Variants in ATE1 observed in about 807,000 individuals in gnomAD.
ATE1 encodes arginyltransferase 1.
In ATE1, 36 loss-of-function variants were observed where a neutral mutation model predicts 70.5. The observed-to-expected ratio is 0.51, with a 90% confidence interval of 0.39 to 0.67. The LOEUF is 0.67. Ranked by LOEUF, ATE1 falls within the 30% of genes least tolerant of loss-of-function variation. The pLI is 0.00. For missense variants in ATE1, 593 were observed against 629.5 expected (o/e 0.94, Z 0.62); for synonymous variants, 232 against 219.3 (o/e 1.06, Z -0.51).
chr10:121,922,170 T>C (rs960530451), intron 3 of ATE1, among the ~76,000 whole-genome samples, 179 bp downstream of exon 3: 2 of 152,148 alleles, frequency 1.3e-5, no homozygotes, highest in Non-Finnish European at 2.9e-5. Context: ...TACTAAAACC[T>C]ACTGATCAGC....
intron 5 of ATE1, among the ~76,000 whole-genome samples, chr10:121,909,639 T>A (rs1365358675): frequency 2.0e-5 from 3 of 152,206 alleles, no homozygotes; most frequent in African/African-American, 7.2e-5. Flanking sequence ...TATGTTTGAA[T>A]AACGATTTTT....
chr10:121,856,838 C>A (rs896768962), intron 8 of ATE1, among the ~76,000 whole-genome samples: 2 of 152,094 alleles, frequency 1.3e-5, no homozygotes, highest in African/African-American at 2.4e-5. Flanking sequence ...TGCAACGAAG[C>A]GTAACAAAAT....
chr10:121,815,235 A>C (rs563720365), intron 10 of ATE1, among the ~76,000 whole-genome samples: 5 of 152,296 alleles, frequency 3.3e-5, no homozygotes, highest in East Asian at 3.9e-4. Flanking sequence ...TCCCGGGTTC[A>C]CGCCATTCTC....
chr10:121,781,067 T>C (rs539419507), intron 11 of ATE1, among the ~76,000 whole-genome samples: 85 of 152,360 alleles, frequency 5.6e-4, no homozygotes, highest in African/African-American at 2.0e-3. Context: ...TTTTGTTTGT[T>C]TGTTTTTAGA....
At chr10:121,880,681 T>C (rs996149033) in intron 7 of ATE1, among the ~76,000 whole-genome samples, 5 of 151,978 alleles carry the variant, frequency 3.3e-5, no homozygotes, top group African/African-American at 4.8e-5. Flanking sequence ...ATATGTAATA[T>C]ATGTTTTACT....
chr10:121,768,309 C>T (rs1362409191), intron 11 of ATE1, among the ~76,000 whole-genome samples: 1 of 151,964 alleles, frequency 6.6e-6, no homozygotes, highest in Non-Finnish European at 1.5e-5. Flanking sequence ...TTCCAATACA[C>T]TAACAATAAA....
intron 8 of ATE1, among the ~76,000 whole-genome samples, chr10:121,853,435 C>T (rs1008828423): frequency 6.7e-6 from 1 of 149,208 alleles, no homozygotes; most frequent in Non-Finnish European, 1.5e-5. Flanking sequence ...GCTCCATAAT[C>T]AGAAACTTTT....
At chr10:121,857,406 A>C (rs1949286966) in intron 8 of ATE1, among the ~76,000 whole-genome samples, 1 of 152,238 alleles carries the variant, frequency 6.6e-6, no homozygotes. Flanking sequence ...AATGGTCTCC[A>C]GCTGCATCCA....
intron 7 of ATE1, among the ~76,000 whole-genome samples, chr10:121,876,901 G>A (rs1950070792): frequency 6.6e-6 from 1 of 151,210 alleles, no homozygotes; most frequent in Non-Finnish European, 1.5e-5. Context: ...GGGAGGCGGA[G>A]CTTGCAGTGA....
chr10:121,875,297 G>T (rs1052205621), intron 7 of ATE1, among the ~76,000 whole-genome samples: 38 of 106,868 alleles, frequency 3.6e-4, no homozygotes, highest in South Asian at 1.0e-3. Context: ...GTTTTTTTTT[G>T]GTTTTTTTTT....
chr10:121,779,375 C>T (rs1399702093), intron 11 of ATE1, among the ~76,000 whole-genome samples: 1 of 152,192 alleles, frequency 6.6e-6, no homozygotes. Context: ...CTACTTAACA[C>T]ACCTGCTCAA....
rs768468088 is a variant in ATE1 at position 121,790,204 on chromosome 10, G to C, written c.1343C>G (p.Ser448Cys). 1 of 1,614,066 alleles carries C rather than the reference G, an allele frequency of 6.2e-7. No homozygotes were observed. Among genetic ancestry groups the C allele is most frequent in the Non-Finnish European group, 8.5e-7 (1 of 1,179,954 alleles). The change falls in exon 11 of 12, where the codon TCC becomes TGC. Residue 448 changes from serine (S) to cysteine (C), a missense_variant. Around this residue, in one of 3 missense-constraint regions of ATE1, gnomAD observed 90 missense variants for 93.7 expected, o/e 0.96. Coordinates refer to ENST00000224652, the MANE Select transcript of ATE1 (RefSeq NM_001001976.3). ...IEQCLPSLEN[S>C]KYCRFNQDPE... is the part of the protein sequence containing the mutation. ...GTCCTGGTTGAAACGGCAGTACTTGGAGTTTTCAAGTGAAGGCAGGCATTG... is the reference window on the plus strand; with the variant it reads ...GTCCTGGTTGAAACGGCAGTACTTGCAGTTTTCAAGTGAAGGCAGGCATTG...
At chr10:121,826,487 T>C (rs149971904) in intron 10 of ATE1, among the ~76,000 whole-genome samples, 25 of 152,300 alleles carry the variant, frequency 1.6e-4, no homozygotes, top group Non-Finnish European at 1.5e-5. Flanking sequence ...TTTGCATTTT[T>C]AGTAGAGACA....
intron 8 of ATE1, among the ~76,000 whole-genome samples, chr10:121,845,603 G>A (rs374511380): frequency 8.5e-5 from 13 of 152,260 alleles, no homozygotes; most frequent in South Asian, 4.2e-4. Flanking sequence ...CCTAAGCACC[G>A]TATCCTACTT....
At chr10:121,758,386 T>C (rs1944895002) in intron 11 of ATE1, among the ~76,000 whole-genome samples, 1 of 152,220 alleles carries the variant, frequency 6.6e-6, no homozygotes, top group South Asian at 2.1e-4. Flanking sequence ...GAATTTGGCA[T>C]TGGGTTGATC....
chr10:121,759,984 T>C (rs183144798), intron 11 of ATE1, among the ~76,000 whole-genome samples: 18 of 144,914 alleles, frequency 1.2e-4, no homozygotes, highest in Admixed American at 1.2e-3. Context: ...AATTTTGTGC[T>C]TTATAAATGG....
At chr10:121,812,956 C>T (rs1487227777) in intron 10 of ATE1, among the ~76,000 whole-genome samples, 1 of 152,178 alleles carries the variant, frequency 6.6e-6, no homozygotes, top group Non-Finnish European at 1.5e-5. Flanking sequence ...ATAGGACAGT[C>T]GTATACCTCT....
chr10:121,907,763 C>T (rs949896426), intron 5 of ATE1, among the ~76,000 whole-genome samples: 4 of 150,448 alleles, frequency 2.7e-5, no homozygotes, highest in Non-Finnish European at 3.0e-5. Flanking sequence ...AGCGAGACTC[C>T]GTCTCGAAAA....
At chr10:121,782,398 T>C (rs1176463086) in intron 11 of ATE1, 1 of 152,202 alleles carries the variant, frequency 6.6e-6, no homozygotes, top group Non-Finnish European at 1.5e-5. Flanking sequence ...CTTGATGATA[T>C]CCTAGGATAC....
Sources: allele counts gnomAD v4.1 joint callset (sites outside exome capture counted in the v4.1 genomes callset), GRCh38; gene constraint gnomAD v4.1.1; regional missense constraint gnomAD v4.1.1; transcripts MANE v1.5; gene names NCBI Gene and HGNC (gene_info 2026-07-23, HGNC 2026-07-21).